Variants in MEIOC observed in about 807,000 individuals in gnomAD.
MEIOC encodes meiosis-specific coiled-coil domain-containing protein MEIOC.
In MEIOC, 9 loss-of-function variants were observed where a neutral mutation model predicts 85.3. The observed-to-expected ratio is 0.11, with a 90% CI of 0.06 to 0.18. The LOEUF (loss-of-function observed/expected upper bound fraction) is 0.18, where lower values mean the gene tolerates loss of function less well. Among genes scored for constraint, MEIOC ranks in the 10% least tolerant of loss-of-function variants. The pLI, the probability that MEIOC is intolerant of heterozygous loss-of-function variation, is 1.00. For synonymous variants in MEIOC, 365 were observed against 393.7 expected (o/e 0.93, Z 0.86); for missense variants, 898 against 1,129.4 (o/e 0.80, Z 2.94).
intron 3 of MEIOC, among the ~76,000 whole-genome samples, chr17:44,664,437 C>G (rs1050186464): frequency 1.3e-5 from 2 of 152,086 alleles, no homozygotes; most frequent in Non-Finnish European, 2.9e-5. Context: ...ATCTGAAAAT[C>G]CGAAATCCAG....
intron 2 of MEIOC, among the ~76,000 whole-genome samples, chr17:44,661,546 A>G (rs1489831907): frequency 6.6e-6 from 1 of 151,908 alleles, no homozygotes; most frequent in Non-Finnish European, 1.5e-5. Context: ...GGACATTAAG[A>G]CTGAAATTTA....
intron 3 of MEIOC, among the ~76,000 whole-genome samples, chr17:44,663,245 A>G (rs925541101): frequency 2.0e-5 from 3 of 151,080 alleles, no homozygotes; most frequent in Non-Finnish European, 4.4e-5. Context: ...AACATGGCAA[A>G]TATTATCCTT....
At chr17:44,658,520 C>T (rs889256764) in intron 2 of MEIOC, among the ~76,000 whole-genome samples, 1 of 151,450 alleles carries the variant, frequency 6.6e-6, no homozygotes, top group East Asian at 2.0e-4. Flanking sequence ...AAGGGCCGGG[C>T]GCCATGGCTC....
In MEIOC at chr17:44,674,802, A is replaced by T; in HGVS notation, c.*606A>T. The T allele has an allele frequency of 1.0e-6, 1 of 984,224 alleles. No individual in the cohort carries two copies. The highest frequency in any genetic ancestry group is 4.7e-5 in the South Asian group (1 of 21,272). 61.0% of individuals were successfully genotyped at this position (984,224 alleles called of 1,614,324 possible). ...AGGTATATGGAGGGAAATGCATCTG[A>T]TTCTCCTAAATTAATGATAAAAGTG... On this transcript the variant is annotated 3_prime_UTR_variant, in exon 8 of 8. Coordinates refer to ENST00000409122, the MANE Select transcript of MEIOC (RefSeq NM_001145080.3).
intron 4 of MEIOC, among the ~76,000 whole-genome samples, chr17:44,666,060 G>A (rs962163311): frequency 6.6e-6 from 1 of 151,692 alleles, no homozygotes; most frequent in African/African-American, 2.4e-5. Context: ...CCTAAGCAAA[G>A]GAAAAACTTA....
At chr17:44,669,301 T>TTA in intron 5 of MEIOC, 82 bp from the exon 6 acceptor site, 3 of 1,151,240 alleles carry the variant, frequency 2.6e-6, no homozygotes, top group Non-Finnish European at 3.7e-6. Context: ...ATACTCTATT[T>TTA]ATTAGGCTTA....
In MEIOC at chr17:44,666,696, A is replaced by G; in HGVS notation, c.785A>G (p.Glu262Gly). The stretch of plus-strand genomic sequence containing the variant: ...GATACAGCTAAGACAACATTCCAAG[A>G]ATATCCACTTATCAAAAACTGTTTT... The part of the protein sequence containing the change: ...TNDTAKTTFQ[E>G]YPLIKNCFTP... Residue 262 changes from glutamate (E) to glycine (G), a missense_variant, in exon 5 of 8, where the codon GAA (glutamate) becomes GGA (glycine). Coordinates refer to ENST00000409122, the MANE Select transcript of MEIOC (RefSeq NM_001145080.3). 1 of 1,612,866 alleles carries G rather than the reference A, an allele frequency of 6.2e-7. No individual in the cohort carries two copies. The highest frequency in any genetic ancestry group is 8.5e-7 in the Non-Finnish European group (1 of 1,179,334).
rs552284092 is a variant in MEIOC at position 44,660,590 on chromosome 17, G to A, written c.205-1727G>A. 3.9e-5 allele frequency among the ~76,000 whole-genome samples: 6 copies of A among 152,178 alleles called. No individual in the cohort carries two copies. In the East Asian group the frequency reaches 1.2e-3, roughly 29 times the overall value. ...AAAATACTATTTTCATTGTGTTTAT[G>A]TCTGGGTATTTATAGTTATTGCATC... On this transcript the variant is annotated intron_variant, in intron 2 of 7. Transcript: ENST00000409122.
chr17:44,666,590 T>G lies in MEIOC; in HGVS notation c.679T>G (p.Phe227Val). Residue 227 changes from phenylalanine to valine, a missense_variant, in exon 5 of 8, where the codon TTT becomes GTT. Physicochemically the swap from Phe to Val is conservative, Grantham distance 50 (BLOSUM62 -1). This residue lies in a region of MEIOC where 734 missense variants were observed against 860.1 expected (regional missense o/e 0.85). Transcript: ENST00000409122. The stretch of plus-strand genomic sequence containing the variant: ...AAAAATAGATGAACTTCATCATGGA[T>G]TTACTGGTTTAGATCTTGAAGAACA... ...QQKIDELHHGFTGLDLEEQWM... is the reference protein window; with the variant it reads ...QQKIDELHHGVTGLDLEEQWM... 1.2e-6 allele frequency: 2 copies of G among 1,610,684 alleles called. No individual in the cohort carries two copies. Among genetic ancestry groups the G allele is most frequent in the Non-Finnish European group, 1.7e-6 (2 of 1,178,206 alleles).
chr17:44,673,248 C>T (rs568340262), intron 6 of MEIOC, 118 bp from the exon 7 acceptor site: 29 of 720,254 alleles, frequency 4.0e-5, no homozygotes, highest in Middle Eastern at 6.2e-4. Context: ...AGTAAGCATT[C>T]TTTGATTTAT....
chr17:44,672,880 T>C (rs2144677408), intron 6 of MEIOC, among the ~76,000 whole-genome samples: 1 of 152,334 alleles, frequency 6.6e-6, no homozygotes, highest in East Asian at 1.9e-4. Context: ...CTATCACTAG[T>C]CAGTATTACT....
chr17:44,656,617 G>T lies in MEIOC; in HGVS notation c.4G>T (p.Glu2Ter), dbSNP rs1971758939. Residue 2 changes from glutamate (E) to a stop codon, truncating the protein, a stop_gained, in exon 1 of 8, where the codon GAG (glutamate) becomes TAG (stop). Coordinates refer to ENST00000409122, the MANE Select transcript of MEIOC (RefSeq NM_001145080.3). LOFTEE classifies it high-confidence loss of function. ...AGGAGAGGCTGGGGGGCGCCCCATG[G>T]AGGTGAGACGCGGAGACACCTGCCC... The part of the protein sequence containing the change: M[E>*]VRRGDTCPRP... 1.0e-5 allele frequency: 15 copies of T among 1,479,698 alleles called. No homozygotes were observed. Among genetic ancestry groups the T allele is most frequent in the Non-Finnish European group, 1.3e-5 (15 of 1,113,618 alleles). 91.7% of individuals were successfully genotyped at this position (1,479,698 alleles called of 1,614,324 possible).
rs1568134188 is a variant in MEIOC, at chr17:44,667,117, A to G, written c.1206A>G (p.Thr402=). 1 of 1,613,916 alleles carries G rather than the reference A, an allele frequency of 6.2e-7. No individual in the cohort carries two copies. The part of the protein sequence containing the change: ...FTFPKTTPHL[T]EKQFAKEAVF... ...TTCCAAAAACTACGCCACATCTGACAGAGAAACAGTTTGCAAAGGAAGCAG... is the reference window on the plus strand; with the variant it reads ...TTCCAAAAACTACGCCACATCTGACGGAGAAACAGTTTGCAAAGGAAGCAG... The change falls in exon 5 of 8, where the codon ACA becomes ACG. Residue 402 remains threonine (T), a synonymous_variant. Transcript: ENST00000409122.
At position 44,657,172 on chromosome 17, in the gene MEIOC, G is replaced by A. The variant is rs1048419672; in HGVS notation, c.115G>A (p.Gly39Ser). ...AGGTGCGAATCGCTGTTGGAACCTC[G>A]GCGCCGACGCCGGCAGCAGGTTAAC... ...PGGANRCWNL[G>S]ADAGSRLTDV... is the part of the protein sequence containing the mutation. The change falls in exon 2 of 8, where the codon GGC (glycine) becomes AGC (serine). Residue 39 changes from glycine to serine, a missense_variant. By Grantham distance (56) the Gly-to-Ser change is moderately conservative (BLOSUM62 0). Coordinates refer to ENST00000409122, the MANE Select transcript of MEIOC (RefSeq NM_001145080.3). The A allele has an allele frequency of 1.3e-6, 2 of 1,551,558 alleles. No individual in the cohort carries two copies. Among genetic ancestry groups the A allele is most frequent in the African/African-American group, 1.4e-5 (1 of 73,056 alleles).
Position 44,674,903 on chromosome 17 carries a change from T to C in MEIOC, c.*707T>C. On this transcript the variant is annotated 3_prime_UTR_variant, in exon 8 of 8. Transcript: ENST00000409122. ...TTGTGTATATTCTTTAAATTTTAAT[T>C]ATATTATCAATTGTTAAATGTTTCC... is the stretch of plus-strand genomic sequence containing the variant. 1.0e-6 allele frequency: 1 copy of C among 966,202 alleles called. No individual in the cohort carries two copies. The highest frequency in any genetic ancestry group is 1.2e-6 in the Non-Finnish European group (1 of 812,508). The allele number at this position is 966,202 out of a possible 1,614,324, so 59.9% of individuals were successfully genotyped here.
Position 44,667,223 on chromosome 17 carries a change from G to A in MEIOC, c.1312G>A (p.Val438Ile), listed in dbSNP as rs750092529. Residue 438 changes from valine (V) to isoleucine (I), a missense_variant, in exon 5 of 8, where the codon GTC becomes ATC. Around this residue, in one of 2 missense-constraint regions of MEIOC, gnomAD observed 734 missense variants for 860.1 expected, o/e 0.85. Transcript: ENST00000409122. ...TTGTCCCGCTAATGATTTTGCTAAC[G>A]TCACAGAAAAGCAACAGTTTGCTAA... The part of the protein sequence containing the change: ...TACPANDFAN[V>I]TEKQQFAKPD... 48 of 1,613,654 alleles carry A rather than the reference G, an allele frequency of 3.0e-5. No homozygotes were observed. Among genetic ancestry groups the A allele is most frequent in the South Asian group, 1.5e-4 (14 of 91,078 alleles).
chr17:44,665,920 A>T (rs1239495934), intron 4 of MEIOC, among the ~76,000 whole-genome samples: 1 of 152,198 alleles, frequency 6.6e-6, no homozygotes, highest in Non-Finnish European at 1.5e-5. Flanking sequence ...ACCCAAATAT[A>T]CTATTTCATA....
chr17:44,674,344 A>T lies in MEIOC; in HGVS notation c.*148A>T. On this transcript the variant is annotated 3_prime_UTR_variant, in exon 8 of 8. Coordinates refer to ENST00000409122, the MANE Select transcript of MEIOC (RefSeq NM_001145080.3). ...CCTTAATGAAGTCTAACTTCTATTTAAAAATCTTCTATTTGAAGTGAATCC... is the reference window on the plus strand; with the variant it reads ...CCTTAATGAAGTCTAACTTCTATTTTAAAATCTTCTATTTGAAGTGAATCC... 7.1e-7 allele frequency: 1 copy of T among 1,412,064 alleles called. No individual in the cohort carries two copies. Among genetic ancestry groups the T allele is most frequent in the South Asian group, 1.6e-5 (1 of 61,488 alleles). 87.5% of individuals were successfully genotyped at this position (1,412,064 alleles called of 1,614,324 possible).
In MEIOC at chr17:44,666,744, A is replaced by C. The variant is rs1163810719; in HGVS notation, c.833A>C (p.Asp278Ala). 6.2e-7 allele frequency: 1 copy of C among 1,613,508 alleles called. No individual in the cohort carries two copies. The highest frequency in any genetic ancestry group is 8.5e-7 in the Non-Finnish European group (1 of 1,179,730). Residue 278 changes from aspartate (D) to alanine (A), a missense_variant, in exon 5 of 8, where the codon GAT (aspartate) becomes GCT (alanine). Physicochemically the swap from Asp to Ala is moderately radical, Grantham distance 126. Transcript: ENST00000409122. Reference protein sequence around the residue: ...NCFTPQTGLSDIMKESGVDIY... With the variant: ...NCFTPQTGLSAIMKESGVDIY... ...TTTACACCCCAAACTGGTCTGTCTG[A>C]TATCATGAAAGAATCAGGAGTTGAT...
Sources: allele counts gnomAD v4.1 joint callset (sites outside exome capture counted in the v4.1 genomes callset), GRCh38; gene constraint gnomAD v4.1.1; regional missense constraint gnomAD v4.1.1; transcripts MANE v1.5; gene names NCBI Gene and HGNC (gene_info 2026-07-23, HGNC 2026-07-21).